Variants in NCKAP5 observed in about 807,000 individuals in gnomAD.
The protein encoded by NCKAP5 is nck-associated protein 5.
A neutral mutation model predicts 167.0 loss-of-function variants in NCKAP5; 92 were observed. The ratio of observed to expected loss-of-function variants is 0.55; its 90% CI spans 0.47 to 0.66. The LOEUF is 0.66. Ranked by LOEUF, NCKAP5 falls within the 30% of genes least tolerant of loss-of-function variation. NCKAP5 has a pLI of 0.00. For missense variants in NCKAP5, 2,378 were observed against 2,315.0 expected (o/e 1.03, Z -0.56); for synonymous variants, 891 against 877.4 (o/e 1.02, Z -0.27).
At chr2:133,312,256 T>G (rs1049503516) in intron 3 of NCKAP5, among the ~76,000 whole-genome samples, 30 of 152,178 alleles carry the variant, frequency 2.0e-4, no homozygotes, top group African/African-American at 7.0e-4. Context: ...GACCTGTTAT[T>G]TGGTACCAAG....
intron 11 of NCKAP5, among the ~76,000 whole-genome samples, chr2:132,819,560 T>C (rs1432141065): frequency 6.6e-6 from 1 of 152,128 alleles, no homozygotes; most frequent in African/African-American, 2.4e-5. Flanking sequence ...AGAAAGATAC[T>C]AGAGATCAAT....
chr2:132,885,577 A>G (rs1490719907), intron 8 of NCKAP5, among the ~76,000 whole-genome samples: 2 of 152,186 alleles, frequency 1.3e-5, no homozygotes, highest in Admixed American at 6.5e-5. Flanking sequence ...CATCTCTAAA[A>G]ATCCTTAAAT....
chr2:133,212,324 T>C (rs2086243546), intron 5 of NCKAP5, among the ~76,000 whole-genome samples: 1 of 152,172 alleles, frequency 6.6e-6, no homozygotes, highest in South Asian at 2.1e-4. Flanking sequence ...AACTAGGCCT[T>C]TATTTTCTCC....
chr2:132,792,365 G>A (rs1451673629), intron 12 of NCKAP5, among the ~76,000 whole-genome samples: 1 of 152,176 alleles, frequency 6.6e-6, no homozygotes, highest in Non-Finnish European at 1.5e-5. Context: ...TAGTTAAGGG[G>A]AGTTCATATT....
In NCKAP5 at chr2:132,785,429, C is replaced by A. The variant is rs377719904; in HGVS notation, c.1382G>T (p.Cys461Phe). 1 of 1,613,714 alleles carries A rather than the reference C, an allele frequency of 6.2e-7. No individual in the cohort carries two copies. Among genetic ancestry groups the A allele is most frequent in the African/African-American group, 1.3e-5 (1 of 74,926 alleles). ...AACAAATGTCTTGTGGGGTTCCTTGCAGGGGCTCCCCAGGTCAGCTGTTTT... is the reference window on the plus strand; with the variant it reads ...AACAAATGTCTTGTGGGGTTCCTTGAAGGGGCTCCCCAGGTCAGCTGTTTT... ...PCKTADLGSP[C>F]KEPHKTFVYD... is the part of the protein sequence containing the mutation. The change falls in exon 14 of 20, where the codon TGC becomes TTC. Residue 461 changes from cysteine to phenylalanine, a missense_variant. Physicochemically the swap from Cys to Phe is radical, Grantham distance 205. This residue lies in a region of NCKAP5 where 1,049 missense variants were observed against 1,023.4 expected (regional missense o/e 1.02). Coordinates refer to ENST00000409261, the MANE Select transcript of NCKAP5 (RefSeq NM_207363.3).
At chr2:133,185,615 T>C (rs1193133515) in intron 5 of NCKAP5, among the ~76,000 whole-genome samples, 1 of 152,106 alleles carries the variant, frequency 6.6e-6, no homozygotes, top group Non-Finnish European at 1.5e-5. Flanking sequence ...TATTTTTCCA[T>C]ATATTTGTGT....
At position 133,108,355 on chromosome 2, in the gene NCKAP5, T is replaced by A. The variant is rs535802904; in HGVS notation, c.341+21623A>T. On this transcript the variant is annotated intron_variant, in intron 6 of 19. Coordinates refer to ENST00000409261, the MANE Select transcript of NCKAP5 (RefSeq NM_207363.3). ...CCCAGGATAGCACCTCTCTTTTTAA[T>A]AACAGTCTTCCACGGAGTCCCTTGA... Among the ~76,000 whole-genome samples, 5 of 152,314 alleles carry A rather than the reference T, an allele frequency of 3.3e-5. No individual in the cohort carries two copies. In the South Asian group the frequency reaches 8.3e-4, roughly 25 times the overall value.
At chr2:133,207,218 G>A (rs1439529827) in intron 5 of NCKAP5, among the ~76,000 whole-genome samples, 1 of 152,000 alleles carries the variant, frequency 6.6e-6, no homozygotes, top group African/African-American at 2.4e-5. Context: ...AATATGTGGT[G>A]TCACCCCTGG....
chr2:133,504,296 G>T (rs1424963473), intron 3 of NCKAP5, among the ~76,000 whole-genome samples: 1 of 25,480 alleles, frequency 3.9e-5, no homozygotes, highest in East Asian at 2.7e-3. Flanking sequence ...TTAAAACAAG[G>T]TTTGGGGGCC....
At chr2:133,526,189 A>G (rs1274083507) in intron 2 of NCKAP5, among the ~76,000 whole-genome samples, 7 of 128,178 alleles carry the variant, frequency 5.5e-5, no homozygotes, top group African/African-American at 2.3e-4. Context: ...GGAAGGAAGG[A>G]AGGAAGGAAG....
In NCKAP5 at chr2:132,782,980, G is replaced by A. The variant is rs542316963; in HGVS notation, c.3831C>T (p.Ser1277=). 8 of 1,613,986 alleles carry A rather than the reference G, an allele frequency of 5.0e-6. No individual in the cohort carries two copies. In the South Asian group the frequency reaches 7.7e-5, roughly 16 times the overall value. Residue 1277 remains serine (S), a synonymous_variant, in exon 14 of 20, where the codon AGC becomes AGT. Transcript: ENST00000409261. The part of the protein sequence containing the change: ...GMNGAKARSH[S]FSTHSGDKPS... ...GCTTGTCTCCTGAGTGTGTACTGAAGCTGTGGCTGCGGGCTTTGGCGCCAT... is the reference window on the plus strand; with the variant it reads ...GCTTGTCTCCTGAGTGTGTACTGAAACTGTGGCTGCGGGCTTTGGCGCCAT...
chr2:132,927,225 T>C (rs1489708384), intron 8 of NCKAP5, among the ~76,000 whole-genome samples: 1 of 152,178 alleles, frequency 6.6e-6, no homozygotes, highest in East Asian at 1.9e-4. Flanking sequence ...CTTTGACCTA[T>C]GTGTCTATTT....
intron 19 of NCKAP5, among the ~76,000 whole-genome samples, chr2:132,709,152 C>CA (rs1688624792): frequency 6.6e-6 from 1 of 151,840 alleles, no homozygotes; most frequent in African/African-American, 2.4e-5. Context: ...TCTACACCCC[C>CA]CCACCAAACC....
intron 16 of NCKAP5, among the ~76,000 whole-genome samples, chr2:132,739,592 GCCCC>G: frequency 6.6e-6 from 1 of 151,992 alleles, no homozygotes; most frequent in Non-Finnish European, 1.5e-5. Context: ...AGAAGTGAGG[GCCCC>G]TGTAGGTACA....
chr2:133,026,403 G>A (rs2078702151), intron 6 of NCKAP5, among the ~76,000 whole-genome samples: 1 of 150,192 alleles, frequency 6.7e-6, no homozygotes, highest in South Asian at 2.1e-4. Context: ...TAAGAACACA[G>A]TCAAGGATCA....
intron 3 of NCKAP5, among the ~76,000 whole-genome samples, chr2:133,384,627 A>G (rs1245029932): frequency 1.3e-5 from 2 of 152,188 alleles, no homozygotes; most frequent in African/African-American, 4.8e-5. Flanking sequence ...ATGGCATTGA[A>G]TCTATAAATT....
intron 3 of NCKAP5, among the ~76,000 whole-genome samples, chr2:133,488,164 T>C (rs958479760): frequency 2.0e-5 from 3 of 152,230 alleles, no homozygotes; most frequent in African/African-American, 4.8e-5. Context: ...TTAATATACA[T>C]ATTATCTATT....
intron 3 of NCKAP5, among the ~76,000 whole-genome samples, chr2:133,369,254 G>A (rs1283929870): frequency 2.6e-5 from 4 of 152,278 alleles, no homozygotes; most frequent in South Asian, 2.1e-4. Context: ...GGATGATGTC[G>A]TGGAAGTCAG....
intron 11 of NCKAP5, among the ~76,000 whole-genome samples, chr2:132,797,836 T>C (rs1474643280): frequency 1.3e-5 from 2 of 152,202 alleles, no homozygotes; most frequent in Non-Finnish European, 2.9e-5. Context: ...ATTCTCTGTG[T>C]TCCCCATTCA....
Sources: allele counts gnomAD v4.1 joint callset (sites outside exome capture counted in the v4.1 genomes callset), GRCh38; gene constraint gnomAD v4.1.1; regional missense constraint gnomAD v4.1.1; transcripts MANE v1.5; gene names NCBI Gene and HGNC (gene_info 2026-07-23, HGNC 2026-07-21).